The following TRIM9 variants were observed in gnomAD, a reference collection of about 807,000 sequenced individuals.
The protein encoded by TRIM9 is E3 ubiquitin-protein ligase TRIM9.
In TRIM9, 26 loss-of-function variants were observed where a neutral mutation model predicts 78.3. That is an observed-to-expected ratio of 0.33 (90% confidence interval 0.24 to 0.46). TRIM9 has a LOEUF of 0.46. Ranked by LOEUF, TRIM9 falls within the 20% of genes least tolerant of loss-of-function variation. The pLI, the probability that TRIM9 is intolerant of heterozygous loss-of-function variation, is 1.00. For synonymous variants in TRIM9, 398 were observed against 416.5 expected (o/e 0.96, Z 0.54); for missense variants, 787 against 1,036.4 (o/e 0.76, Z 3.30).
Position 50,998,200 on chromosome 14 carries a change from C to G in TRIM9, c.1465-12G>C. 6.2e-7 allele frequency: 1 copy of G among 1,613,868 alleles called. No homozygotes were observed. ...CCCACATACACCTCCTGAGAGTCAG[C>G]AAAGAACAGGACAGCACTTAGCCTG... On this transcript the variant is annotated splice_polypyrimidine_tract_variant and intron_variant, in intron 6 of 12. Transcript: ENST00000684578.
At position 51,015,915 on chromosome 14, in the gene TRIM9, T is replaced by C. The variant is rs148333009; in HGVS notation, c.1042-5421A>G. Among the ~76,000 whole-genome samples the C allele has an allele frequency of 1.8e-4, 28 of 152,372 alleles. No individual in the cohort carries two copies. The East Asian group carries it at 4.4e-3, about 24-fold the overall frequency. ...TTCTTTCTCTACTATTTCAAAAAGT[T>C]CTTTCTTAAATATAAGCTATGCCTT... On this transcript the variant is annotated intron_variant, in intron 3 of 12. Coordinates refer to ENST00000684578, the MANE Select transcript of TRIM9 (RefSeq NM_001387360.1).
intron 7 of TRIM9, among the ~76,000 whole-genome samples, chr14:50,988,530 C>T (rs1405099036): frequency 6.6e-6 from 1 of 150,860 alleles, no homozygotes; most frequent in South Asian, 2.1e-4. Context: ...TCCTTTCACT[C>T]TAATCAGGCA....
chr14:50,987,801 G>T (rs1339001404), intron 7 of TRIM9, among the ~76,000 whole-genome samples: 3 of 151,768 alleles, frequency 2.0e-5, no homozygotes, highest in African/African-American at 4.8e-5. Flanking sequence ...TATTTATTTA[G>T]TATTATTTAT....
intron 5 of TRIM9, among the ~76,000 whole-genome samples, chr14:51,001,611 T>C (rs555675963): frequency 2.0e-5 from 3 of 152,200 alleles, no homozygotes; most frequent in South Asian, 2.1e-4. Flanking sequence ...TTCTGAGAAA[T>C]AGCTCTGAAA....
chr14:51,038,047 T>C (rs748653764), intron 1 of TRIM9, among the ~76,000 whole-genome samples: 1 of 152,176 alleles, frequency 6.6e-6, no homozygotes, highest in Non-Finnish European at 1.5e-5. Context: ...CTCTAAAATG[T>C]CCATGCCCGA....
intron 1 of TRIM9, among the ~76,000 whole-genome samples, chr14:51,077,703 C>T (rs140889006): frequency 6.6e-6 from 1 of 152,224 alleles, no homozygotes; most frequent in East Asian, 1.9e-4. Flanking sequence ...TGTCCTAAAC[C>T]AATTCTAATG....
At chr14:50,979,609 C>A (rs755929985) in intron 11 of TRIM9, 60 bp from the exon 12 acceptor site, 5 of 1,440,626 alleles carry the variant, frequency 3.5e-6, no homozygotes, top group Non-Finnish European at 4.8e-6. Context: ...AAGCTCCCCC[C>A]TTTTGTGTGG....
intron 1 of TRIM9, among the ~76,000 whole-genome samples, chr14:51,065,657 C>G (rs1269765736): frequency 6.6e-6 from 1 of 152,136 alleles, no homozygotes; most frequent in Non-Finnish European, 1.5e-5. Context: ...GTTTTAACAC[C>G]AAAGTGGCCA....
At chr14:51,076,545 T>C (rs2062798617) in intron 1 of TRIM9, among the ~76,000 whole-genome samples, 1 of 152,204 alleles carries the variant, frequency 6.6e-6, no homozygotes, top group Admixed American at 6.5e-5. Flanking sequence ...CTGGGTTTAT[T>C]ACAAAAGGCT....
chr14:51,010,042 C>T (rs530079825), intron 4 of TRIM9, among the ~76,000 whole-genome samples: 8 of 150,922 alleles, frequency 5.3e-5, no homozygotes, highest in East Asian at 1.9e-4. Context: ...GAATAAGGAC[C>T]GAATTCTTGG....
intron 1 of TRIM9, among the ~76,000 whole-genome samples, chr14:51,034,178 T>C (rs1268567189): frequency 6.6e-6 from 1 of 152,208 alleles, no homozygotes; most frequent in African/African-American, 2.4e-5. Flanking sequence ...AAGGCTTTCT[T>C]GGTGGTAAAG....
intron 1 of TRIM9, among the ~76,000 whole-genome samples, chr14:51,079,093 G>C (rs912764114): frequency 6.6e-6 from 1 of 152,092 alleles, no homozygotes; most frequent in African/African-American, 2.4e-5. Flanking sequence ...AAAATCTTTT[G>C]TACATATAGT....
chr14:51,021,360 G>A (rs1465240444), intron 3 of TRIM9, among the ~76,000 whole-genome samples: 1 of 152,162 alleles, frequency 6.6e-6, no homozygotes, highest in Non-Finnish European at 1.5e-5. Flanking sequence ...GGACTGCTCA[G>A]GTGCCAGCTC....
intron 1 of TRIM9, among the ~76,000 whole-genome samples, chr14:51,026,548 A>T (rs1025362833): frequency 1.3e-5 from 2 of 152,100 alleles, no homozygotes; most frequent in African/African-American, 4.8e-5. Context: ...TCTTCTTTTC[A>T]AATTAAAGCC....
Position 51,017,785 on chromosome 14 carries a change from T to C in TRIM9, c.1041+5050A>G, listed in dbSNP as rs142129131. ...AAGGAAGCTCTGAGACTGACTTTGA[T>C]TGGCATTGCCAAAGTGAGTGGGGGG... is the stretch of plus-strand genomic sequence containing the variant. On this transcript the variant is annotated intron_variant, in intron 3 of 12. Coordinates refer to ENST00000684578, the MANE Select transcript of TRIM9 (RefSeq NM_001387360.1). Among the ~76,000 whole-genome samples, 343 of 152,330 alleles carry C rather than the reference T, an allele frequency of 2.3e-3. 3 individuals carry two copies. Among genetic ancestry groups the C allele is most frequent in the Non-Finnish European group, 4.1e-3 (277 of 68,028 alleles).
At chr14:51,093,018 G>C (rs1300397835) in intron 1 of TRIM9, among the ~76,000 whole-genome samples, 3 of 152,064 alleles carry the variant, frequency 2.0e-5, no homozygotes, top group African/African-American at 7.2e-5. Context: ...CAAAGGCCCT[G>C]GAGTAGGGAG....
At chr14:51,034,881 T>C (rs2059008425) in intron 1 of TRIM9, among the ~76,000 whole-genome samples, 1 of 152,168 alleles carries the variant, frequency 6.6e-6, no homozygotes, top group East Asian at 1.9e-4. Flanking sequence ...TTCTATCACC[T>C]ATAAAAATTC....
At chr14:50,995,474 C>T (rs944880616) in intron 7 of TRIM9, among the ~76,000 whole-genome samples, 1 of 152,116 alleles carries the variant, frequency 6.6e-6, no homozygotes, top group Non-Finnish European at 1.5e-5. Context: ...GAAGAAAAAA[C>T]CAATCAAAAT....
chr14:51,032,267 T>G (rs1322055104), intron 1 of TRIM9, among the ~76,000 whole-genome samples: 1 of 152,192 alleles, frequency 6.6e-6, no homozygotes, highest in Non-Finnish European at 1.5e-5. Context: ...GAACTTGAGT[T>G]TCAGTGGTGG....
Sources: gnomAD v4.1 joint callset for allele counts (sites outside exome capture counted in the v4.1 genomes callset) on GRCh38, gnomAD v4.1.1 for gene constraint, MANE v1.5 for transcripts, NCBI Gene and HGNC (gene_info 2026-07-23, HGNC 2026-07-21) for gene names.